Variants in LMNTD1 observed in about 807,000 individuals in gnomAD.
LMNTD1 encodes lamin tail domain containing 1, also known as lamin tail domain-containing protein 1.
In LMNTD1, 35 loss-of-function variants were observed where a neutral mutation model predicts 50.9. That is an observed-to-expected ratio of 0.69 (90% CI 0.53 to 0.91). The LOEUF is 0.91. LMNTD1 is among the 40% of genes least tolerant of loss of function. LMNTD1 has a pLI of 0.00. For synonymous variants in LMNTD1, 153 were observed against 161.9 expected (o/e 0.94, Z 0.42); for missense variants, 470 against 475.5 (o/e 0.99, Z 0.11).
At chr12:25,540,672 G>A (rs2136188362) in intron 4 of LMNTD1, among the ~76,000 whole-genome samples, 1 of 141,136 alleles carries the variant, frequency 7.1e-6, no homozygotes, top group African/African-American at 2.6e-5. Context: ...GCACAAGACA[G>A]GGATGCCCTC....
At chr12:25,536,103 G>T (rs1222204674) in intron 4 of LMNTD1, among the ~76,000 whole-genome samples, 1 of 152,056 alleles carries the variant, frequency 6.6e-6, no homozygotes, top group African/African-American at 2.4e-5. Context: ...TGATTGAATT[G>T]CAAGGGAGAA....
intron 1 of LMNTD1, among the ~76,000 whole-genome samples, chr12:25,558,395 C>T (rs1479507): frequency 0.14 from 21,202 of 152,070 alleles, 1,985 homozygotes; most frequent in East Asian, 0.51. Context: ...TCTTTTTTGA[C>T]GTAGGCACTT....
At chr12:25,548,824 C>T (rs1394818475) in intron 3 of LMNTD1, among the ~76,000 whole-genome samples, 1 of 151,934 alleles carries the variant, frequency 6.6e-6, no homozygotes, top group Non-Finnish European at 1.5e-5. Context: ...ATTTTCCTCT[C>T]CTTCAAGTTC....
intron 1 of LMNTD1, among the ~76,000 whole-genome samples, chr12:25,576,044 T>A (rs925540107): frequency 5.9e-5 from 9 of 152,242 alleles, no homozygotes; most frequent in Non-Finnish European, 1.2e-4. Flanking sequence ...GGCTGCATAG[T>A]ATTCCATGGT....
chr12:25,574,366 C>T (rs1944913379), intron 1 of LMNTD1, among the ~76,000 whole-genome samples: 1 of 152,098 alleles, frequency 6.6e-6, no homozygotes, highest in South Asian at 2.1e-4. Flanking sequence ...CCCATCCAGG[C>T]CTTTATTCTG....
chr12:25,539,254 A>C (rs932679790), intron 4 of LMNTD1, among the ~76,000 whole-genome samples: 58 of 150,392 alleles, frequency 3.9e-4, no homozygotes, highest in African/African-American at 1.2e-3. Context: ...TCTCCACCCC[A>C]AATCAACAGA....
intron 1 of LMNTD1, among the ~76,000 whole-genome samples, chr12:25,574,026 A>G (rs1306684562): frequency 6.6e-6 from 1 of 152,148 alleles, no homozygotes; most frequent in Non-Finnish European, 1.5e-5. Context: ...CAACTAGCAC[A>G]GCCAGTATCA....
intron 9 of LMNTD1, among the ~76,000 whole-genome samples, chr12:25,477,407 G>A (rs78066114): frequency 0.011 from 1,699 of 152,110 alleles, 37 homozygotes; most frequent in African/African-American, 0.038. Flanking sequence ...GGATAAAATC[G>A]GTCGTAGAAA....
chr12:25,497,846 T>A (rs1310495596), intron 9 of LMNTD1: 1 of 151,962 alleles, frequency 6.6e-6, no homozygotes, highest in Non-Finnish European at 1.5e-5. Context: ...TTTTTAAAAA[T>A]ATATTTTTAG....
At chr12:25,569,860 C>T (rs1026954355) in intron 1 of LMNTD1, among the ~76,000 whole-genome samples, 1 of 152,180 alleles carries the variant, frequency 6.6e-6, no homozygotes, top group Admixed American at 6.5e-5. Flanking sequence ...TTCTGTGCAG[C>T]CTGCAAAACC....
chr12:25,574,049 T>C (rs1052339434), intron 1 of LMNTD1, among the ~76,000 whole-genome samples: 1 of 152,192 alleles, frequency 6.6e-6, no homozygotes, highest in Non-Finnish European at 1.5e-5. Flanking sequence ...ACATTTATAA[T>C]TCAGCTCTTT....
At chr12:25,585,491 CAAGG>C (rs1329052129) in intron 1 of LMNTD1, among the ~76,000 whole-genome samples, 1 of 152,144 alleles carries the variant, frequency 6.6e-6, no homozygotes, top group African/African-American at 2.4e-5. Context: ...CTTCTTAACT[CAAGG>C]GAGATATTTT....
At chr12:25,628,878 A>G (rs1946653081) in intron 1 of LMNTD1, among the ~76,000 whole-genome samples, 1 of 152,142 alleles carries the variant, frequency 6.6e-6, no homozygotes, top group Non-Finnish European at 1.5e-5. Context: ...ATAAACCTGT[A>G]TTGTTTTAAG....
chr12:25,619,246 CTCTCTCTATATA>C (rs758890282), intron 1 of LMNTD1, among the ~76,000 whole-genome samples: 276 of 76,206 alleles, frequency 3.6e-3, no homozygotes, highest in Non-Finnish European at 6.0e-3. Flanking sequence ...CTCTCTCTCT[CTCTCTCTATATA>C]TATATATATA....
At chr12:25,539,457 C>T (rs1942882171) in intron 4 of LMNTD1, among the ~76,000 whole-genome samples, 1 of 150,102 alleles carries the variant, frequency 6.7e-6, no homozygotes, top group African/African-American at 2.4e-5. Flanking sequence ...AACTGAACAA[C>T]CTGCTCCTGA....
intron 1 of LMNTD1, among the ~76,000 whole-genome samples, chr12:25,573,548 G>A (rs1944882528): frequency 6.6e-6 from 1 of 152,130 alleles, no homozygotes; most frequent in South Asian, 2.1e-4. Context: ...ACATGCCAGG[G>A]AAAGATGAAA....
chr12:25,580,305 T>C (rs1945228477), intron 1 of LMNTD1, among the ~76,000 whole-genome samples: 1 of 152,240 alleles, frequency 6.6e-6, no homozygotes. Flanking sequence ...TTGATTCCAT[T>C]GTTAAGGCAA....
chr12:25,545,875 T>C (rs1943396998), intron 4 of LMNTD1, among the ~76,000 whole-genome samples: 1 of 151,662 alleles, frequency 6.6e-6, no homozygotes, highest in South Asian at 2.1e-4. Context: ...ATGTAATAAG[T>C]AAGGCATGGT....
At chr12:25,597,931 T>G (rs1369264202) in intron 1 of LMNTD1, among the ~76,000 whole-genome samples, 1 of 152,112 alleles carries the variant, frequency 6.6e-6, no homozygotes, top group East Asian at 1.9e-4. Context: ...CCCCACTTGT[T>G]GTGGGAGGAG....
Sources: gnomAD v4.1 joint callset for allele counts (sites outside exome capture counted in the v4.1 genomes callset) on GRCh38, gnomAD v4.1.1 for gene constraint, MANE v1.5 for transcripts, NCBI Gene and HGNC (gene_info 2026-07-23, HGNC 2026-07-21) for gene names.